FER: variants seen among roughly 807,000 people sequenced by gnomAD.
FER encodes the protein tyrosine-protein kinase Fer.
Under a neutral mutation model 111.0 loss-of-function variants are expected in FER, and 63 were observed. The ratio of observed to expected loss-of-function variants is 0.57; its 90% CI spans 0.46 to 0.70. The LOEUF (loss-of-function observed/expected upper bound fraction) is 0.70. FER is among the 30% of genes least tolerant of loss of function. FER has a pLI of 0.00. For synonymous variants in FER, 327 were observed against 313.9 expected (o/e 1.04, Z -0.44); for missense variants, 914 against 954.0 (o/e 0.96, Z 0.55).
At position 109,061,463 on chromosome 5, in the gene FER, C is replaced by A. The variant is rs61389408; in HGVS notation, c.1924+14265C>A. Among the ~76,000 whole-genome samples, 757 of 152,176 alleles carry A rather than the reference C, an allele frequency of 5.0e-3. 8 individuals carry two copies. The highest frequency in any genetic ancestry group is 0.018 in the African/African-American group (737 of 41,516). On this transcript the variant is annotated intron_variant, in intron 16 of 19. Coordinates refer to ENST00000281092, the MANE Select transcript of FER (RefSeq NM_005246.4). The stretch of plus-strand genomic sequence containing the variant: ...AAGAAACTATTAAATAAGTGAGGTA[C>A]AGAGAGCTTGAAGTGACCTGTCAAC...
At chr5:109,028,046 G>A (rs1421164144) in intron 13 of FER, among the ~76,000 whole-genome samples, 1 of 152,028 alleles carries the variant, frequency 6.6e-6, no homozygotes, top group African/African-American at 2.4e-5. Flanking sequence ...GTTATTGTGG[G>A]AAAATGGAAT....
intron 16 of FER, chr5:109,052,415 G>GA (rs1772964773): frequency 6.6e-7 from 1 of 1,517,430 alleles, no homozygotes; most frequent in Admixed American, 1.7e-5. Flanking sequence ...AAGTAGGCTT[G>GA]AACCTTGTCA....
chr5:109,146,252 TAA>T lies in FER; in HGVS notation c.2049-34494_2049-34493del, dbSNP rs1491389940. On this transcript the variant is annotated intron_variant, in intron 17 of 19. Coordinates refer to ENST00000281092, the MANE Select transcript of FER (RefSeq NM_005246.4). ...CTATCTAATATATATATAATCTATC[TAA>T]TATATATATATATATATATATATAT... 1.7e-4 allele frequency among the ~76,000 whole-genome samples: 8 copies of T among 47,642 alleles called. 1 individual carries two copies. Among genetic ancestry groups the T allele is most frequent in the African/African-American group, 3.1e-4 (3 of 9,788 alleles). 31.3% of individuals were successfully genotyped at this position (47,642 alleles called of 152,430 possible).
intron 16 of FER, among the ~76,000 whole-genome samples, chr5:109,064,664 A>G (rs1489001965): frequency 1.3e-5 from 2 of 152,190 alleles, no homozygotes; most frequent in Non-Finnish European, 2.9e-5. Context: ...TGGCATTTAT[A>G]CCTATGAGTA....
At chr5:108,896,820 T>C (rs994514023) in intron 9 of FER, among the ~76,000 whole-genome samples, 4 of 152,248 alleles carry the variant, frequency 2.6e-5, no homozygotes, top group African/African-American at 9.6e-5. Flanking sequence ...TTTGACATTT[T>C]GTCTAATTTA....
intron 14 of FER, 63 bp from the exon 15 acceptor site, chr5:109,044,617 G>A: frequency 2.5e-6 from 2 of 789,580 alleles, no homozygotes; most frequent in Non-Finnish European, 4.0e-6. Flanking sequence ...ACCTTTCCTT[G>A]TATTTGGCAA....
chr5:108,848,579 A>C (rs1762250997), intron 5 of FER, among the ~76,000 whole-genome samples: 1 of 152,100 alleles, frequency 6.6e-6, no homozygotes, highest in African/African-American at 2.4e-5. Context: ...TGGGAATCTT[A>C]CAATAGGATA....
intron 13 of FER, among the ~76,000 whole-genome samples, chr5:109,022,377 A>G (rs1027316060): frequency 1.3e-5 from 2 of 152,130 alleles, no homozygotes; most frequent in Admixed American, 1.3e-4. Context: ...AGCATAAAGG[A>G]ACCAGGAATG....
At chr5:109,186,131 C>T (rs1562006820) in intron 18 of FER, 69 bp from the exon 19 acceptor site, 7 of 1,604,976 alleles carry the variant, frequency 4.4e-6, no homozygotes, top group East Asian at 2.2e-5. Flanking sequence ...CACAGACATA[C>T]ATAACCAGGA....
intron 18 of FER, among the ~76,000 whole-genome samples, chr5:109,181,879 C>G (rs2081155421): frequency 6.6e-6 from 1 of 152,182 alleles, no homozygotes; most frequent in African/African-American, 2.4e-5. Flanking sequence ...AAATAAAACC[C>G]TGTCACCAAT....
At chr5:109,130,136 C>G (rs1752203344) in intron 17 of FER, among the ~76,000 whole-genome samples, 2 of 151,530 alleles carry the variant, frequency 1.3e-5, no homozygotes, top group Non-Finnish European at 2.9e-5. Context: ...TTTACAAAAC[C>G]TATCCCATTT....
At chr5:108,777,644 A>G (rs1229567670) in intron 2 of FER, among the ~76,000 whole-genome samples, 1 of 152,152 alleles carries the variant, frequency 6.6e-6, no homozygotes, top group South Asian at 2.1e-4. Flanking sequence ...GTATGAGTCC[A>G]TTTTCACACT....
intron 17 of FER, among the ~76,000 whole-genome samples, chr5:109,172,197 C>T (rs1234704559): frequency 5.9e-5 from 9 of 151,768 alleles, no homozygotes; most frequent in African/African-American, 1.9e-4. Context: ...ATGCTTATTG[C>T]GGCACTATTC....
At chr5:108,881,655 T>C (rs1267655713) in intron 8 of FER, among the ~76,000 whole-genome samples, 1 of 152,180 alleles carries the variant, frequency 6.6e-6, no homozygotes, top group Non-Finnish European at 1.5e-5. Flanking sequence ...TTTGGGTTAC[T>C]TATGAGGTCT....
Position 109,100,483 on chromosome 5 carries a change from G to A in FER, c.2012G>A (p.Gly671Asp). 1 of 1,611,260 alleles carries A rather than the reference G, an allele frequency of 6.2e-7. No homozygotes were observed. The highest frequency in any genetic ancestry group is 8.5e-7 in the Non-Finnish European group (1 of 1,177,980). The stretch of plus-strand genomic sequence containing the variant: ...AAATTTTCATTAGACGCTGCTGCTG[G>A]TATGTTGTATCTCGAGAGTAAAAAC... ...LVKFSLDAAA[G>D]MLYLESKNCI... is the part of the protein sequence containing the mutation. The change falls in exon 17 of 20, where the codon GGT becomes GAT. Residue 671 changes from glycine to aspartate, a missense_variant. Gly to Asp is a moderately conservative substitution (Grantham distance 94). This residue lies in a region of FER where 774 missense variants were observed against 782.6 expected (regional missense o/e 0.99). Coordinates refer to ENST00000281092, the MANE Select transcript of FER (RefSeq NM_005246.4).
chr5:108,946,295 T>C, intron 11 of FER, 73 bp downstream of exon 11: 5 of 949,828 alleles, frequency 5.3e-6, no homozygotes, highest in Non-Finnish European at 8.4e-6. Context: ...CTAATGAATA[T>C]ATATATATGT....
chr5:109,024,181 T>A (rs1467953990), intron 13 of FER, among the ~76,000 whole-genome samples: 2 of 152,184 alleles, frequency 1.3e-5, no homozygotes, highest in South Asian at 2.1e-4. Context: ...GAAGACTATT[T>A]CTGCAGTGCT....
intron 13 of FER, among the ~76,000 whole-genome samples, chr5:108,959,685 T>G (rs990912923): frequency 1.3e-5 from 2 of 152,006 alleles, no homozygotes; most frequent in Non-Finnish European, 2.9e-5. Flanking sequence ...GTTGTATAAG[T>G]CAAAGAAAAT....
At chr5:109,044,890 A>C in intron 15 of FER, 95 bp downstream of exon 15, 2 of 670,428 alleles carry the variant, frequency 3.0e-6, no homozygotes, top group East Asian at 6.3e-5. Flanking sequence ...ATTTACTGAA[A>C]TAGTAGGGGT....
Sources: allele counts gnomAD v4.1 joint callset (sites outside exome capture counted in the v4.1 genomes callset), GRCh38; gene constraint gnomAD v4.1.1; regional missense constraint gnomAD v4.1.1; transcripts MANE v1.5; gene names NCBI Gene and HGNC (gene_info 2026-07-23, HGNC 2026-07-21).